Variants in GREB1L observed in about 807,000 individuals in gnomAD.
The protein encoded by GREB1L is GREB1-like protein.
In GREB1L, 17 loss-of-function variants were observed where a neutral mutation model predicts 200.8. That is an observed-to-expected ratio of 0.08 (90% CI 0.06 to 0.13). GREB1L has a LOEUF of 0.13. Among genes scored for constraint, GREB1L ranks in the 10% least tolerant of loss-of-function variants. The pLI, the probability that GREB1L is intolerant of heterozygous loss-of-function variation, is 1.00. For synonymous variants in GREB1L, 789 were observed against 893.0 expected (o/e 0.88, Z 2.08); for missense variants, 1,657 against 2,367.7 (o/e 0.70, Z 6.23).
intron 7 of GREB1L, among the ~76,000 whole-genome samples, chr18:21,433,557 G>C (rs1344094106): frequency 6.6e-6 from 1 of 152,172 alleles, no homozygotes; most frequent in African/African-American, 2.4e-5. Flanking sequence ...CCACAACTTT[G>C]TAATGTTGTG....
Position 21,446,744 on chromosome 18 carries a change from TA to T in GREB1L, c.1393+2342del, listed in dbSNP as rs568320118. Among the ~76,000 whole-genome samples the T allele has an allele frequency of 6.6e-5, 10 of 152,304 alleles. No homozygotes were observed. In the South Asian group the frequency reaches 1.9e-3, roughly 28 times the overall value. ...ACATATGGCATAGATTATAGACATT[TA>T]AAAAAATAAATCTAAACTTCTAAAA... On this transcript the variant is annotated intron_variant, in intron 11 of 32. Coordinates refer to ENST00000424526, the MANE Select transcript of GREB1L (RefSeq NM_001142966.3).
intron 9 of GREB1L, 135 bp downstream of exon 9, chr18:21,440,523 C>A: frequency 1.2e-6 from 1 of 866,708 alleles, no homozygotes; most frequent in Non-Finnish European, 1.8e-6. Flanking sequence ...TTGTCCCGAT[C>A]ACATTTGCCT....
chr18:21,420,468 AT>A (rs2032063515), intron 7 of GREB1L, among the ~76,000 whole-genome samples: 1 of 152,186 alleles, frequency 6.6e-6, no homozygotes, highest in African/African-American at 2.4e-5. Context: ...CCCTATAAAA[AT>A]TGAAAAATAA....
rs201252099 is a variant in GREB1L, at chr18:21,369,948, C to CAA, written c.-10+3826_-10+3827dup. Among the ~76,000 whole-genome samples, 22 of 87,876 alleles carry CAA rather than the reference C, an allele frequency of 2.5e-4. 1 individual carries two copies. The highest frequency in any genetic ancestry group is 7.6e-4 in the African/African-American group (19 of 25,046). The allele number at this position is 87,876 out of a possible 152,430, so 57.7% of individuals were successfully genotyped here. On this transcript the variant is annotated intron_variant, in intron 2 of 32. Transcript: ENST00000424526. ...TGGGCAGCAGAGCGAGACTCCATCT[C>CAA]AAAAAAAAAAAAAAAGAAAAGAAAA...
At chr18:21,358,451 G>C (rs1266243302) in intron 1 of GREB1L, among the ~76,000 whole-genome samples, 2 of 152,146 alleles carry the variant, frequency 1.3e-5, no homozygotes, top group African/African-American at 4.8e-5. Context: ...GAGTAGCTGG[G>C]ACTACAGGCG....
At chr18:21,245,682 G>A (rs1055940642) in intron 1 of GREB1L, among the ~76,000 whole-genome samples, 1 of 151,878 alleles carries the variant, frequency 6.6e-6, no homozygotes, top group Non-Finnish European at 1.5e-5. Context: ...CATAAAAAAT[G>A]TAATGCCTAT....
chr18:21,281,225 C>T (rs1316801866), intron 1 of GREB1L, among the ~76,000 whole-genome samples: 11 of 152,186 alleles, frequency 7.2e-5, no homozygotes, highest in Non-Finnish European at 1.5e-4. Context: ...CCTGGTGCTG[C>T]CTTTGGGGAG....
At chr18:21,518,533 A>C (rs1350942298) in intron 31 of GREB1L, among the ~76,000 whole-genome samples, 1 of 152,154 alleles carries the variant, frequency 6.6e-6, no homozygotes, top group Non-Finnish European at 1.5e-5. Context: ...TCCTCTAAGA[A>C]GCCTACCTCG....
intron 7 of GREB1L, among the ~76,000 whole-genome samples, chr18:21,438,493 T>G (rs1468038059): frequency 2.0e-5 from 3 of 151,134 alleles, no homozygotes; most frequent in African/African-American, 7.3e-5. Context: ...AGCAAGATGC[T>G]CTCTCTTAAA....
chr18:21,461,065 C>A (rs2035024997), intron 15 of GREB1L, among the ~76,000 whole-genome samples: 1 of 150,854 alleles, frequency 6.6e-6, no homozygotes. Flanking sequence ...TCACTGCACT[C>A]CAGCCTGGGT....
At chr18:21,242,892 A>C (rs1247130021) in intron 1 of GREB1L, among the ~76,000 whole-genome samples, 2 of 151,854 alleles carry the variant, frequency 1.3e-5, no homozygotes, top group Admixed American at 6.6e-5. Context: ...GGCGCCGCGG[A>C]GGTGGCGGGG....
At position 21,453,760 on chromosome 18, in the gene GREB1L, C is replaced by T. The variant is rs556826273; in HGVS notation, c.1985-606C>T. Reference sequence around the variant, plus strand: ...CACCTAGACCTGCTAGGTCACAGCACTGGCAAAGTGGAGTCCAGTGGGAAG... The same window carrying T: ...CACCTAGACCTGCTAGGTCACAGCATTGGCAAAGTGGAGTCCAGTGGGAAG... On this transcript the variant is annotated intron_variant, in intron 14 of 32. Transcript: ENST00000424526. Among the ~76,000 whole-genome samples the T allele has an allele frequency of 5.3e-5, 8 of 152,276 alleles. No homozygotes were observed. In the South Asian group the frequency reaches 1.7e-3, roughly 32 times the overall value.
chr18:21,482,055 TTAGAAG>T (rs1471945378), intron 17 of GREB1L, among the ~76,000 whole-genome samples: 3 of 152,164 alleles, frequency 2.0e-5, no homozygotes, highest in African/African-American at 7.2e-5. Flanking sequence ...GTCAAAGTGA[TTAGAAG>T]TAGATCAGTC....
chr18:21,513,362 T>C (rs2037307857), intron 27 of GREB1L, among the ~76,000 whole-genome samples: 2 of 152,224 alleles, frequency 1.3e-5, no homozygotes, highest in Admixed American at 1.3e-4. Flanking sequence ...GGAATTGGCA[T>C]ACCCACTCAC....
intron 1 of GREB1L, among the ~76,000 whole-genome samples, chr18:21,269,459 A>G (rs754733659): frequency 9.2e-5 from 14 of 152,210 alleles, no homozygotes; most frequent in Non-Finnish European, 1.6e-4. Context: ...GCTTCATGCA[A>G]TAAGAGGGCA....
intron 7 of GREB1L, among the ~76,000 whole-genome samples, chr18:21,439,027 CAA>C (rs2145223830): frequency 6.9e-6 from 1 of 145,650 alleles, no homozygotes; most frequent in East Asian, 2.0e-4. Context: ...TATTTATGTA[CAA>C]AAATGATATG....
intron 17 of GREB1L, among the ~76,000 whole-genome samples, chr18:21,480,205 G>C (rs1357223420): frequency 6.6e-6 from 1 of 152,132 alleles, no homozygotes; most frequent in Non-Finnish European, 1.5e-5. Flanking sequence ...ACAAAAATTA[G>C]CTGGGTGTGG....
chr18:21,341,456 C>T (rs1338226261), intron 1 of GREB1L, among the ~76,000 whole-genome samples: 1 of 152,236 alleles, frequency 6.6e-6, no homozygotes, highest in Non-Finnish European at 1.5e-5. Flanking sequence ...CAAGTGCTCA[C>T]TGCAGCCTGG....
At chr18:21,393,833 A>C (rs2040932768) in intron 4 of GREB1L, among the ~76,000 whole-genome samples, 1 of 152,254 alleles carries the variant, frequency 6.6e-6, no homozygotes, top group Non-Finnish European at 1.5e-5. Flanking sequence ...AAGTGCTGGG[A>C]TTACAGGTGT....
Sources: allele counts gnomAD v4.1 joint callset (sites outside exome capture counted in the v4.1 genomes callset), GRCh38; gene constraint gnomAD v4.1.1; transcripts MANE v1.5; gene names NCBI Gene and HGNC (gene_info 2026-07-23, HGNC 2026-07-21).